The following SORCS2 variants were observed in gnomAD, a reference collection of about 807,000 sequenced individuals.
The protein encoded by SORCS2 is VPS10 domain-containing receptor SorCS2.
In SORCS2, 100 loss-of-function variants were observed where a neutral mutation model predicts 141.6. That is an observed-to-expected ratio of 0.71 (90% CI 0.60 to 0.83). The LOEUF is 0.83. Ranked by LOEUF, SORCS2 falls within the 40% of genes least tolerant of loss-of-function variation. The probability of loss-of-function intolerance (pLI) is 0.00; values close to 1 mark genes in which losing one functional copy is unlikely to be tolerated. For missense variants in SORCS2, 1,646 were observed against 1,560.2 expected (o/e 1.05, Z -0.93); for synonymous variants, 789 against 676.9 (o/e 1.17, Z -2.57).
intron 2 of SORCS2, among the ~76,000 whole-genome samples, chr4:7,512,517 C>T (rs1214561033): frequency 6.6e-6 from 1 of 152,082 alleles, no homozygotes; most frequent in African/African-American, 2.4e-5. Context: ...ACCCTTAGTG[C>T]CACGGGTGCC....
At chr4:7,693,377 A>G (rs35787985) in intron 11 of SORCS2, among the ~76,000 whole-genome samples, 103,123 of 152,138 alleles carry the variant, frequency 0.68, 35,313 homozygotes, top group East Asian at 0.91. Context: ...CCCCTTTGCC[A>G]AGGCTGCTCT....
At chr4:7,505,767 ACT>A (rs982099061) in intron 2 of SORCS2, among the ~76,000 whole-genome samples, 2 of 151,700 alleles carry the variant, frequency 1.3e-5, no homozygotes, top group Non-Finnish European at 2.9e-5. Context: ...CCTCTTCCTG[ACT>A]CTGTGACCTT....
chr4:7,545,591 G>T (rs796383911), intron 3 of SORCS2, among the ~76,000 whole-genome samples: 11 of 152,284 alleles, frequency 7.2e-5, no homozygotes, highest in African/African-American at 2.2e-4. Flanking sequence ...ACCCATTCAG[G>T]ATCCCAAGTC....
chr4:7,616,572 A>G (rs949968037), intron 3 of SORCS2, among the ~76,000 whole-genome samples: 1 of 152,168 alleles, frequency 6.6e-6, no homozygotes, highest in African/African-American at 2.4e-5. Context: ...ACCCAGACAG[A>G]CAGACCCTAA....
intron 18 of SORCS2, among the ~76,000 whole-genome samples, chr4:7,719,773 C>G (rs910416406): frequency 6.6e-6 from 1 of 152,188 alleles, no homozygotes; most frequent in South Asian, 2.1e-4. Context: ...CCTGGCGTCT[C>G]GGCAGTGCAG....
At chr4:7,629,531 C>G (rs1168746099) in intron 3 of SORCS2, among the ~76,000 whole-genome samples, 1 of 152,020 alleles carries the variant, frequency 6.6e-6, no homozygotes, top group Admixed American at 6.5e-5. Context: ...GCCCCTCACC[C>G]CTGGCCACTC....
At chr4:7,602,733 C>A (rs537064039) in intron 3 of SORCS2, among the ~76,000 whole-genome samples, 1 of 151,856 alleles carries the variant, frequency 6.6e-6, no homozygotes, top group Non-Finnish European at 1.5e-5. Context: ...CAGGCAGAGA[C>A]GCTCCTCACT....
chr4:7,284,776 C>A (rs559959123), intron 1 of SORCS2, among the ~76,000 whole-genome samples: 1 of 152,302 alleles, frequency 6.6e-6, no homozygotes, highest in East Asian at 1.9e-4. Context: ...TAGAAATATT[C>A]TCTCACAGTC....
chr4:7,697,639 C>A (rs1257570693), intron 12 of SORCS2, among the ~76,000 whole-genome samples: 1 of 152,208 alleles, frequency 6.6e-6, no homozygotes, highest in Non-Finnish European at 1.5e-5. Flanking sequence ...GCCAGGGAGC[C>A]ACATGGTGCT....
intron 1 of SORCS2, among the ~76,000 whole-genome samples, chr4:7,361,020 A>AG (rs1443404641): frequency 6.6e-6 from 1 of 151,786 alleles, no homozygotes; most frequent in East Asian, 1.9e-4. Context: ...AGCTCCCTGG[A>AG]GCTTCTGTGA....
chr4:7,281,467 G>A (rs1368391502), intron 1 of SORCS2, among the ~76,000 whole-genome samples: 1 of 152,088 alleles, frequency 6.6e-6, no homozygotes, highest in Non-Finnish European at 1.5e-5. Context: ...CGTCCCCTCC[G>A]CCTCCAGCAC....
Position 7,725,242 on chromosome 4 carries a change from C to A in SORCS2, c.2700C>A (p.Asn900Lys). The part of the protein sequence containing the change: ...VNLTAVLLPL[N>K]PNLTVFYWWI... ...TCACAGCTGTGCTGCTTCCCTTGAACCCTAACCTCACCGTCTTCTACTGGT... is the reference window on the plus strand; with the variant it reads ...TCACAGCTGTGCTGCTTCCCTTGAAACCTAACCTCACCGTCTTCTACTGGT... The change falls in exon 20 of 27, where the codon AAC (asparagine) becomes AAA (lysine). Residue 900 changes from asparagine (N) to lysine (K), a missense_variant. Asn to Lys is a moderately conservative substitution (Grantham distance 94, BLOSUM62 0). Coordinates refer to ENST00000507866, the MANE Select transcript of SORCS2 (RefSeq NM_020777.3). The A allele has an allele frequency of 6.2e-7, 1 of 1,613,612 alleles. No individual in the cohort carries two copies. Among genetic ancestry groups the A allele is most frequent in the Non-Finnish European group, 8.5e-7 (1 of 1,179,648 alleles).
At chr4:7,378,034 T>A (rs555095921) in intron 1 of SORCS2, among the ~76,000 whole-genome samples, 54 of 152,360 alleles carry the variant, frequency 3.5e-4, no homozygotes, top group Non-Finnish European at 7.1e-4. Context: ...GAAGGATATA[T>A]GGTTTTTTTC....
chr4:7,720,197 A>G (rs559332545), intron 18 of SORCS2, among the ~76,000 whole-genome samples: 14 of 152,192 alleles, frequency 9.2e-5, no homozygotes, highest in Non-Finnish European at 1.9e-4. Context: ...AGTTTTGTAA[A>G]TATCTTAAGA....
chr4:7,269,501 T>A (rs1358287888), intron 1 of SORCS2, among the ~76,000 whole-genome samples: 1 of 152,252 alleles, frequency 6.6e-6, no homozygotes, highest in Non-Finnish European at 1.5e-5. Context: ...GAGATCATCC[T>A]GGACTTAGGG....
intron 2 of SORCS2, among the ~76,000 whole-genome samples, chr4:7,520,041 C>T (rs1016196604): frequency 4.6e-5 from 7 of 152,208 alleles, no homozygotes; most frequent in Non-Finnish European, 1.5e-5. Flanking sequence ...GCCGGGTCAG[C>T]CTGGAGGAGG....
chr4:7,413,067 C>T (rs951036741), intron 2 of SORCS2, among the ~76,000 whole-genome samples: 2 of 151,940 alleles, frequency 1.3e-5, no homozygotes, highest in Non-Finnish European at 2.9e-5. Context: ...CTGGGTAGTG[C>T]CTTAAGGTAC....
intron 1 of SORCS2, among the ~76,000 whole-genome samples, chr4:7,331,857 G>A (rs1008219991): frequency 4.1e-4 from 63 of 152,290 alleles, no homozygotes; most frequent in African/African-American, 1.4e-3. Flanking sequence ...GACAGGTGGG[G>A]ACACTGAGGC....
chr4:7,738,974 G>C (rs993181674), intron 26 of SORCS2, among the ~76,000 whole-genome samples: 1 of 152,212 alleles, frequency 6.6e-6, no homozygotes, highest in African/African-American at 2.4e-5. Flanking sequence ...GGCGTGATGC[G>C]TCTGTAGACT....
Sources: gnomAD v4.1 joint callset for allele counts (sites outside exome capture counted in the v4.1 genomes callset) on GRCh38, gnomAD v4.1.1 for gene constraint, MANE v1.5 for transcripts, NCBI Gene and HGNC (gene_info 2026-07-23, HGNC 2026-07-21) for gene names.